CYP2C8: variants seen among roughly 807,000 people sequenced by gnomAD.
CYP2C8 encodes cytochrome P450 2C8.
A neutral mutation model predicts 41.3 loss-of-function variants in CYP2C8; 51 were observed. That is an observed-to-expected ratio of 1.24 (90% CI 0.99 to 1.56). The LOEUF (loss-of-function observed/expected upper bound fraction) is 1.56, where lower values mean the gene tolerates loss of function less well. Among genes scored for constraint, CYP2C8 ranks in the 40% most tolerant of loss-of-function variants. The pLI is 0.00. For synonymous variants in CYP2C8, 218 were observed against 205.8 expected, an observed-to-expected ratio of 1.06 and a Z score of -0.51; for missense variants, 651 against 579.9, an observed-to-expected ratio of 1.12 and a Z score of -1.26.
chr10:95,037,344 TG>T, intron 8 of CYP2C8, 35 bp from the exon 9 acceptor site: 1 of 1,575,592 alleles, frequency 6.3e-7, no homozygotes, highest in Non-Finnish European at 8.7e-7. Flanking sequence ...AGTTACTCCT[TG>T]TGTTTAACTG....
intron 7 of CYP2C8, 148 bp downstream of exon 7, chr10:95,042,742 C>G: frequency 1.4e-6 from 1 of 725,474 alleles, no homozygotes; most frequent in Non-Finnish European, 2.5e-6. Flanking sequence ...TCTTTATAGC[C>G]CCAAACAAAA....
In CYP2C8 at chr10:95,038,919, G is replaced by A. The variant is rs2032940983; in HGVS notation, c.1269C>T (p.Asp423=). ...LDKNGNFKKS[D]YFMPFSAGKR... The stretch of plus-strand genomic sequence containing the variant: ...TACCTGCTGAGAAAGGCATGAAGTA[G>A]TCACTTTTCTTAAAGTTGCCATTCT... Residue 423 remains aspartate (D), a synonymous_variant, in exon 8 of 9, where the codon GAC becomes GAT. Coordinates refer to ENST00000371270, the MANE Select transcript of CYP2C8 (RefSeq NM_000770.3). 3 of 1,613,934 alleles carry A rather than the reference G, an allele frequency of 1.9e-6. No homozygotes were observed. Among genetic ancestry groups the A allele is most frequent in the Non-Finnish European group, 2.5e-6 (3 of 1,179,814 alleles).
intron 4 of CYP2C8, among the ~76,000 whole-genome samples, chr10:95,059,546 C>T (rs548232069): frequency 6.6e-6 from 1 of 152,180 alleles, no homozygotes; most frequent in South Asian, 2.1e-4. Context: ...GATATTAGCC[C>T]TTTGTCAGAT....
At chr10:95,037,342 CTTGTGT>C in intron 8 of CYP2C8, 33 bp from the exon 9 acceptor site, 2 of 1,597,110 alleles carry the variant, frequency 1.3e-6, no homozygotes. Flanking sequence ...GTAGTTACTC[CTTGTGT>C]TTAACTGTGA....
Position 95,058,333 on chromosome 10 carries a change from A to G in CYP2C8, c.819+2T>C. 1.2e-6 allele frequency: 2 copies of G among 1,612,910 alleles called. No individual in the cohort carries two copies. Among genetic ancestry groups the G allele is most frequent in the African/African-American group, 1.3e-5 (1 of 74,992 alleles). ...AATACTGATCTGTTGCTAATATCTT[A>G]CCTGCTCCATTTTGATCAGGAAGCA... On this transcript the variant is annotated splice_donor_variant, in intron 5 of 8. Transcript: ENST00000371270. LOFTEE classifies it high-confidence loss of function.
chr10:95,067,114 A>T, intron 3 of CYP2C8, 94 bp downstream of exon 3: 1 of 1,570,140 alleles, frequency 6.4e-7, no homozygotes. Context: ...AGGATGCGCA[A>T]TGAAGACCTG....
chr10:95,043,030 G>T lies in CYP2C8; in HGVS notation c.1009C>A (p.Pro337Thr), dbSNP rs1564734456. Residue 337 changes from proline to threonine, a missense_variant, in exon 7 of 9, where the codon CCC becomes ACC. Coordinates refer to ENST00000371270, the MANE Select transcript of CYP2C8 (RefSeq NM_000770.3). ...IDHVIGRHRS[P>T]CMQDRSHMPY... Reference sequence around the variant, plus strand: ...ATGTGGCTCCTATCCTGCATGCAGGGGCTCCTGTGTCTGCCAATTACATGA... The same window carrying T: ...ATGTGGCTCCTATCCTGCATGCAGGTGCTCCTGTGTCTGCCAATTACATGA... 1.2e-6 allele frequency: 2 copies of T among 1,614,158 alleles called. No homozygotes were observed. Among genetic ancestry groups the T allele is most frequent in the Non-Finnish European group, 1.7e-6 (2 of 1,180,024 alleles).
chr10:95,044,448 T>G (rs2033068419), intron 6 of CYP2C8, among the ~76,000 whole-genome samples: 1 of 152,196 alleles, frequency 6.6e-6, no homozygotes, highest in African/African-American at 2.4e-5. Context: ...TCATTCACTC[T>G]GCTGGACATT....
At chr10:95,045,412 G>A (rs2033087795) in intron 6 of CYP2C8, among the ~76,000 whole-genome samples, 1 of 152,112 alleles carries the variant, frequency 6.6e-6, no homozygotes, top group Non-Finnish European at 1.5e-5. Context: ...AATAAAGATT[G>A]TTTTCATCTC....
At chr10:95,067,499 C>A in intron 2 of CYP2C8, 30 bp downstream of exon 2, 1 of 1,614,070 alleles carries the variant, frequency 6.2e-7, no homozygotes, top group Non-Finnish European at 8.5e-7. Flanking sequence ...CCCCAGTTAC[C>A]AAAGCTGACA....
Position 95,064,915 on chromosome 10 carries a change from T to C in CYP2C8, c.527A>G (p.Asn176Ser). 1 of 1,613,080 alleles carries C rather than the reference T, an allele frequency of 6.2e-7. No individual in the cohort carries two copies. The highest frequency in any genetic ancestry group is 8.5e-7 in the Non-Finnish European group (1 of 1,179,916). The change falls in exon 4 of 9, where the codon AAT becomes AGT. Residue 176 changes from asparagine (N) to serine (S), a missense_variant. Physicochemically the swap from Asn to Ser is conservative, Grantham distance 46. Transcript: ENST00000371270. ...PTFILGCAPCNVICSVVFQKR... is the reference protein window; with the variant it reads ...PTFILGCAPCSVICSVVFQKR... ...CTGGAAAACAACGGAGCAGATCACATTGCAGGGAGCACAGCCCAGGATGAA... is the reference window on the plus strand; with the variant it reads ...CTGGAAAACAACGGAGCAGATCACACTGCAGGGAGCACAGCCCAGGATGAA...
At chr10:95,058,556 A>G in intron 4 of CYP2C8, 45 bp from the exon 5 acceptor site, 2 of 1,511,108 alleles carry the variant, frequency 1.3e-6, no homozygotes, top group Non-Finnish European at 9.0e-7. Flanking sequence ...CATAAGATAT[A>G]TGTATCTTAC....
chr10:95,062,501 T>C (rs1252178742), intron 4 of CYP2C8, among the ~76,000 whole-genome samples: 2 of 152,198 alleles, frequency 1.3e-5, no homozygotes, highest in Non-Finnish European at 2.9e-5. Context: ...TGATAGATCT[T>C]CCTCCTTCCC....
At chr10:95,043,735 C>A (rs2033053654) in intron 6 of CYP2C8, among the ~76,000 whole-genome samples, 1 of 152,014 alleles carries the variant, frequency 6.6e-6, no homozygotes, top group Non-Finnish European at 1.5e-5. Context: ...TATATGTGTA[C>A]ACACAGACAC....
chr10:95,039,747 C>G (rs1278470162), intron 7 of CYP2C8, among the ~76,000 whole-genome samples: 1 of 152,276 alleles, frequency 6.6e-6, no homozygotes, highest in East Asian at 1.9e-4. Flanking sequence ...AAAGCAGAAC[C>G]CCTACAATGG....
intron 7 of CYP2C8, among the ~76,000 whole-genome samples, chr10:95,040,704 A>G (rs2032976646): frequency 1.3e-5 from 2 of 152,224 alleles, no homozygotes; most frequent in Non-Finnish European, 2.9e-5. Context: ...GAATCAGGAC[A>G]GGAGGTGTTG....
chr10:95,038,267 C>G (rs1258503414), intron 8 of CYP2C8, among the ~76,000 whole-genome samples: 2 of 152,134 alleles, frequency 1.3e-5, no homozygotes, highest in Non-Finnish European at 2.9e-5. Flanking sequence ...TAAATTTTAT[C>G]ACCTCCTTTG....
chr10:95,039,019 A>G lies in CYP2C8; in HGVS notation c.1169T>C (p.Leu390Ser), dbSNP rs72558194. Residue 390 changes from leucine (L) to serine (S), a missense_variant, in exon 8 of 9, where the codon TTA (leucine) becomes TCA (serine). By Grantham distance (145) the Leu-to-Ser change is moderately radical. Coordinates refer to ENST00000371270, the MANE Select transcript of CYP2C8 (RefSeq NM_000770.3). ...LIPKGTTIMA[L>S]LTSVLHDDKE... is the part of the protein sequence containing the mutation. Reference sequence around the variant, plus strand: ...GTCATCATGTAGCACGGAAGTCAGTAATGCCATTATGGTTGTGCCCTGGAA... The same window carrying G: ...GTCATCATGTAGCACGGAAGTCAGTGATGCCATTATGGTTGTGCCCTGGAA... 326 of 1,613,562 alleles carry G rather than the reference A, an allele frequency of 2.0e-4. No individual in the cohort carries two copies. Among genetic ancestry groups the G allele is most frequent in the Non-Finnish European group, 2.6e-4 (308 of 1,179,574 alleles).
chr10:95,047,923 G>A (rs1378427916), intron 5 of CYP2C8, among the ~76,000 whole-genome samples: 2 of 152,138 alleles, frequency 1.3e-5, no homozygotes, highest in Non-Finnish European at 2.9e-5. Context: ...TAATATCCTC[G>A]AGAAGTCTCA....
Sources: allele counts gnomAD v4.1 joint callset (sites outside exome capture counted in the v4.1 genomes callset), GRCh38; gene constraint gnomAD v4.1.1; transcripts MANE v1.5; gene names NCBI Gene and HGNC (gene_info 2026-07-23, HGNC 2026-07-21).